The following CSMD1 variants were observed in gnomAD, a reference collection of about 807,000 sequenced individuals.
CSMD1 encodes the protein CUB and sushi domain-containing protein 1.
CSMD1 carries 213 observed loss-of-function variants against 417.5 expected under a neutral mutation model. The ratio of observed to expected loss-of-function variants is 0.51; its 90% CI spans 0.46 to 0.57. CSMD1 has a LOEUF of 0.57. CSMD1 is among the 20% of genes least tolerant of loss of function. The probability of loss-of-function intolerance (pLI) is 0.00; values close to 1 mark genes in which losing one functional copy is unlikely to be tolerated. For missense variants in CSMD1, 6,923 were observed against 4,529.7 expected, an observed-to-expected ratio of 1.53 and a Z score of -15.17; for synonymous variants, 2,862 against 1,736.8, an observed-to-expected ratio of 1.65 and a Z score of -16.11.
At chr8:3,922,755 G>A (rs1007743488) in intron 5 of CSMD1, among the ~76,000 whole-genome samples, 19 of 151,880 alleles carry the variant, frequency 1.3e-4, no homozygotes, top group Non-Finnish European at 2.5e-4. Flanking sequence ...ATTATTGTAG[G>A]TATGGTTATT....
chr8:4,543,613 T>A (rs1415289718), intron 2 of CSMD1, among the ~76,000 whole-genome samples: 1 of 138,704 alleles, frequency 7.2e-6, no homozygotes, highest in Non-Finnish European at 1.5e-5. Context: ...TAAGTTTCAA[T>A]TCATTTCAGT....
rs558076751 is a variant in CSMD1, at chr8:4,154,937, A to C, written c.416-122838T>G. ...CTAAATTCCAAGTCTATTGACAATA[A>C]TACAAAATGTTATATTGAAAATTAA... On this transcript the variant is annotated intron_variant, in intron 3 of 69. Transcript: ENST00000635120. Among the ~76,000 whole-genome samples the C allele has an allele frequency of 2.4e-4, 37 of 152,340 alleles. No homozygotes were observed. The South Asian group carries it at 7.4e-3, about 31-fold the overall frequency.
chr8:3,164,280 C>T (rs59555797), intron 37 of CSMD1, among the ~76,000 whole-genome samples: 1 of 152,124 alleles, frequency 6.6e-6, no homozygotes, highest in Non-Finnish European at 1.5e-5. Flanking sequence ...AGGAGGAGTG[C>T]CACGAACTTT....
At chr8:3,151,664 C>T (rs1819204076) in intron 39 of CSMD1, among the ~76,000 whole-genome samples, 151 bp from the exon 40 acceptor site, 1 of 152,146 alleles carries the variant, frequency 6.6e-6, no homozygotes, top group African/African-American at 2.4e-5. Context: ...ATGCTGTGTG[C>T]CTTAGTTATT....
chr8:2,964,928 G>T (rs796730336), intron 59 of CSMD1, among the ~76,000 whole-genome samples: 13 of 152,156 alleles, frequency 8.5e-5, no homozygotes, highest in African/African-American at 3.1e-4. Context: ...AAGCTACTGA[G>T]TGTCCTAACT....
chr8:3,264,079 C>T (rs748015427), intron 26 of CSMD1, among the ~76,000 whole-genome samples: 1 of 151,860 alleles, frequency 6.6e-6, no homozygotes, highest in Non-Finnish European at 1.5e-5. Context: ...ACTTTATTTC[C>T]CAGAGATCCT....
intron 7 of CSMD1, among the ~76,000 whole-genome samples, chr8:3,633,386 G>C (rs188651010): frequency 6.6e-6 from 1 of 152,260 alleles, no homozygotes; most frequent in Non-Finnish European, 1.5e-5. Context: ...AGACTGACAA[G>C]TTTGCAAACT....
intron 33 of CSMD1, among the ~76,000 whole-genome samples, chr8:3,196,844 C>A (rs1211231938): frequency 2.0e-5 from 3 of 152,042 alleles, no homozygotes; most frequent in Non-Finnish European, 4.4e-5. Context: ...TGACCATGCC[C>A]GTTCATTCAA....
intron 8 of CSMD1, among the ~76,000 whole-genome samples, chr8:3,597,961 T>C (rs997264849): frequency 1.3e-5 from 2 of 152,210 alleles, no homozygotes; most frequent in Admixed American, 1.3e-4. Flanking sequence ...GTTGTGCACA[T>C]GTACCCCAGA....
intron 1 of CSMD1, among the ~76,000 whole-genome samples, chr8:4,734,829 G>A (rs1007055810): frequency 7.2e-5 from 11 of 152,032 alleles, no homozygotes; most frequent in Admixed American, 5.9e-4. Context: ...TTCAGTCTTG[G>A]CTCTGTGGAC....
At chr8:4,476,900 G>A (rs1026681165) in intron 2 of CSMD1, among the ~76,000 whole-genome samples, 1 of 152,190 alleles carries the variant, frequency 6.6e-6, no homozygotes, top group East Asian at 1.9e-4. Flanking sequence ...AAAAATCCCA[G>A]GGAATCAAGG....
At chr8:3,729,874 C>G (rs1328058024) in intron 6 of CSMD1, among the ~76,000 whole-genome samples, 4 of 134,158 alleles carry the variant, frequency 3.0e-5, no homozygotes, top group Non-Finnish European at 6.1e-5. Flanking sequence ...ATCAAAACAT[C>G]ACACTGTACT....
At chr8:3,506,827 A>C (rs1029270426) in intron 10 of CSMD1, among the ~76,000 whole-genome samples, 1 of 152,210 alleles carries the variant, frequency 6.6e-6, no homozygotes, top group African/African-American at 2.4e-5. Flanking sequence ...TCAAGGTCTT[A>C]AATTTTAAAA....
At chr8:2,945,544 T>C (rs962330345) in intron 68 of CSMD1, among the ~76,000 whole-genome samples, 3 of 152,238 alleles carry the variant, frequency 2.0e-5, no homozygotes, top group African/African-American at 7.2e-5. Context: ...AGTAGAATTA[T>C]TGAGAAACAG....
chr8:4,301,786 C>G (rs1403483122), intron 3 of CSMD1, among the ~76,000 whole-genome samples: 1 of 152,166 alleles, frequency 6.6e-6, no homozygotes, highest in Non-Finnish European at 1.5e-5. Context: ...TAATTGTAAA[C>G]TCTTGATTTT....
chr8:4,274,769 T>C (rs1029993261), intron 3 of CSMD1, among the ~76,000 whole-genome samples: 2 of 152,152 alleles, frequency 1.3e-5, no homozygotes, highest in Non-Finnish European at 2.9e-5. Context: ...ACGGGATTAT[T>C]AGAATTTTTT....
chr8:3,904,754 A>G (rs535603831), intron 5 of CSMD1, among the ~76,000 whole-genome samples: 1 of 150,866 alleles, frequency 6.6e-6, no homozygotes, highest in East Asian at 2.0e-4. Flanking sequence ...CTCATACCTC[A>G]GCCTCCCAAG....
rs141638208 is a variant in CSMD1, at chr8:4,395,473, T to G, written c.415+24480A>C. Among the ~76,000 whole-genome samples the G allele has an allele frequency of 3.4e-3, 515 of 151,154 alleles. 4 individuals carry two copies. The highest frequency in any genetic ancestry group is 0.012 in the African/African-American group (505 of 41,268). On this transcript the variant is annotated intron_variant, in intron 3 of 69. Coordinates refer to ENST00000635120, the MANE Select transcript of CSMD1 (RefSeq NM_033225.6). Reference sequence around the variant, plus strand: ...CAAGAATAGCAGCAAGATTACTGTTTCGATGAAGAATACAAATCTCCACCC... The same window carrying G: ...CAAGAATAGCAGCAAGATTACTGTTGCGATGAAGAATACAAATCTCCACCC...
At chr8:4,883,394 G>C (rs895429516) in intron 1 of CSMD1, among the ~76,000 whole-genome samples, 2 of 151,996 alleles carry the variant, frequency 1.3e-5, no homozygotes, top group African/African-American at 4.8e-5. Context: ...GTGGTTTTCA[G>C]TATATTGAAA....
Sources: allele counts gnomAD v4.1 joint callset (sites outside exome capture counted in the v4.1 genomes callset), GRCh38; gene constraint gnomAD v4.1.1; transcripts MANE v1.5; gene names NCBI Gene and HGNC (gene_info 2026-07-23, HGNC 2026-07-21).